Variants in CREB5 observed in about 807,000 individuals in gnomAD.
CREB5 encodes the protein cAMP responsive element binding protein 5.
A neutral mutation model predicts 57.1 loss-of-function variants in CREB5; 19 were observed. That is an observed-to-expected ratio of 0.33 (90% CI 0.23 to 0.49). CREB5 has a LOEUF of 0.49. Among genes scored for constraint, CREB5 ranks in the 20% least tolerant of loss-of-function variants. The pLI is 0.99. For missense variants in CREB5, 579 were observed against 671.6 expected, an observed-to-expected ratio of 0.86 and a Z score of 1.52; for synonymous variants, 238 against 238.3, an observed-to-expected ratio of 1.00 and a Z score of 0.01.
intron 1 of CREB5, among the ~76,000 whole-genome samples, chr7:28,398,496 T>C (rs192490441): frequency 6.6e-6 from 1 of 152,278 alleles, no homozygotes; most frequent in Admixed American, 6.5e-5. Context: ...CCCATATCAA[T>C]GGAATCATCA....
chr7:28,597,686 T>A (rs1251211961), intron 5 of CREB5, among the ~76,000 whole-genome samples: 1 of 152,110 alleles, frequency 6.6e-6, no homozygotes, highest in Non-Finnish European at 1.5e-5. Flanking sequence ...AACCTCTCTC[T>A]CAACTCTAGA....
chr7:28,509,788 C>A (rs944802029), intron 4 of CREB5, among the ~76,000 whole-genome samples: 1 of 152,142 alleles, frequency 6.6e-6, no homozygotes, highest in African/African-American at 2.4e-5. Flanking sequence ...TGCTCATAGC[C>A]ATGTGATGCT....
upstream of CREB5, among the ~76,000 whole-genome samples, chr7:28,408,767 GA>G (rs1465995735): frequency 6.6e-6 from 1 of 152,100 alleles, no homozygotes; most frequent in Non-Finnish European, 1.5e-5. Context: ...GAGGTGAGAT[GA>G]GGGGGCGGTG....
At chr7:28,359,906 A>C (rs1786433900) in intron 1 of CREB5, among the ~76,000 whole-genome samples, 2 of 152,244 alleles carry the variant, frequency 1.3e-5, no homozygotes, top group Admixed American at 1.3e-4. Context: ...TTTAAAAAAT[A>C]GGCAAAGGCC....
At chr7:28,687,034 A>G (rs1327495606) in intron 5 of CREB5, among the ~76,000 whole-genome samples, 1 of 152,104 alleles carries the variant, frequency 6.6e-6, no homozygotes, top group Non-Finnish European at 1.5e-5. Context: ...AATGACTGGA[A>G]AACTGTGTGT....
intron 4 of CREB5, among the ~76,000 whole-genome samples, chr7:28,566,370 G>A (rs1207513469): frequency 1.3e-5 from 2 of 152,184 alleles, no homozygotes. Context: ...AAATGTTGAA[G>A]AAGAAAAGGC....
At chr7:28,403,970 T>C (rs1039636656) in intron 1 of CREB5, among the ~76,000 whole-genome samples, 2 of 152,230 alleles carry the variant, frequency 1.3e-5, no homozygotes, top group African/African-American at 4.8e-5. Context: ...TAGTTTTAAA[T>C]GTAAATATAA....
rs1194589009 is a variant in CREB5 at position 28,824,341 on chromosome 7, T to C, written c.*5062T>C. The C allele has an allele frequency of 2.0e-5, 3 of 152,658 alleles. No homozygotes were observed. The highest frequency in any genetic ancestry group is 7.2e-5 in the African/African-American group (3 of 41,472). The allele number at this position is 152,658 out of a possible 1,614,324, so 9.5% of individuals were successfully genotyped here. On this transcript the variant is annotated 3_prime_UTR_variant, in exon 11 of 11. Coordinates refer to ENST00000357727, the MANE Select transcript of CREB5 (RefSeq NM_182898.4). ...TTTTCTCTCACCTTCCAAACCAAAG[T>C]GTCCTGAATAAGCCAGGAGACTTAT...
intron 7 of CREB5, among the ~76,000 whole-genome samples, chr7:28,790,448 GAGAGAGAGAGAGAT>G (rs753966963): frequency 0.078 from 3,708 of 47,480 alleles, 83 homozygotes; most frequent in Admixed American, 0.14. Context: ...GAGAGAGAGA[GAGAGAGAGAGAGAT>G]AGAGAGAGAG....
intron 4 of CREB5, among the ~76,000 whole-genome samples, chr7:28,554,859 G>A (rs559829904): frequency 6.6e-6 from 1 of 152,336 alleles, no homozygotes; most frequent in African/African-American, 2.4e-5. Context: ...GAGTCAAGGA[G>A]GGAAGCGGAC....
chr7:28,729,033 T>A (rs1188807060), intron 7 of CREB5, among the ~76,000 whole-genome samples: 1 of 152,224 alleles, frequency 6.6e-6, no homozygotes, highest in Non-Finnish European at 1.5e-5. Flanking sequence ...GGACTGGTCA[T>A]GCTGTATTTT....
intron 5 of CREB5, among the ~76,000 whole-genome samples, chr7:28,631,541 A>C (rs1798202120): frequency 6.6e-6 from 1 of 152,168 alleles, no homozygotes; most frequent in Non-Finnish European, 1.5e-5. Flanking sequence ...AAGAGATGCC[A>C]GTGCTGCCTT....
intron 1 of CREB5, among the ~76,000 whole-genome samples, chr7:28,469,204 G>A (rs1170310202): frequency 1.3e-5 from 2 of 152,060 alleles, no homozygotes; most frequent in African/African-American, 2.4e-5. Flanking sequence ...CTGGGCAACC[G>A]GCAAGACCCT....
At chr7:28,485,322 C>G (rs558276117) in intron 1 of CREB5, among the ~76,000 whole-genome samples, 18 of 152,088 alleles carry the variant, frequency 1.2e-4, no homozygotes, top group Non-Finnish European at 2.1e-4. Context: ...ATGAAACTTT[C>G]TCATTTTACT....
At chr7:28,687,876 A>G (rs975362340) in intron 5 of CREB5, among the ~76,000 whole-genome samples, 8 of 152,072 alleles carry the variant, frequency 5.3e-5, no homozygotes, top group Admixed American at 4.6e-4. Context: ...TGAGCAAATC[A>G]CTTAAACCAT....
In CREB5 at chr7:28,560,887, CGTGTGT is replaced by C. The variant is rs1175327761; in HGVS notation, c.292-9474_292-9469del. 3.8e-4 allele frequency among the ~76,000 whole-genome samples: 5 copies of C among 13,118 alleles called. 1 individual carries two copies. Among genetic ancestry groups the C allele is most frequent in the Admixed American group, 1.7e-3 (2 of 1,144 alleles). 8.6% of individuals were successfully genotyped at this position (13,118 alleles called of 152,430 possible). A position where few individuals can be genotyped will look rare whatever the true frequency, so the allele number is the denominator to read the frequency against. ...GTGCCTGCGTGCGCGTGCGTGCGTGCGTGTGTGTGCGTGCGCGCGTGCGTGTGCGTG... is the reference window on the plus strand; with the variant it reads ...GTGCCTGCGTGCGCGTGCGTGCGTGCGTGCGTGCGCGCGTGCGTGTGCGTG... On this transcript the variant is annotated intron_variant, in intron 4 of 10. Coordinates refer to ENST00000357727, the MANE Select transcript of CREB5 (RefSeq NM_182898.4).
At chr7:28,818,283 T>G in intron 10 of CREB5, 104 bp downstream of exon 10, 1 of 760,558 alleles carries the variant, frequency 1.3e-6, no homozygotes, top group South Asian at 1.7e-5. Flanking sequence ...TAGATTGTAC[T>G]TCCAGGCAGA....
intron 1 of CREB5, among the ~76,000 whole-genome samples, chr7:28,360,875 C>G (rs1406409902): frequency 6.6e-6 from 1 of 152,064 alleles, no homozygotes; most frequent in African/African-American, 2.4e-5. Flanking sequence ...TAGTTTTTGT[C>G]AGTGATTCTC....
At chr7:28,415,535 A>G (rs558255203) in intron 1 of CREB5, among the ~76,000 whole-genome samples, 23 of 152,314 alleles carry the variant, frequency 1.5e-4, no homozygotes, top group African/African-American at 5.5e-4. Context: ...TGTAGTTTCT[A>G]TTTCATTCAT....
Sources: gnomAD v4.1 joint callset for allele counts (sites outside exome capture counted in the v4.1 genomes callset) on GRCh38, gnomAD v4.1.1 for gene constraint, MANE v1.5 for transcripts, NCBI Gene and HGNC (gene_info 2026-07-23, HGNC 2026-07-21) for gene names.